Variants in SHISA9 observed in about 807,000 individuals in gnomAD.
SHISA9 encodes the protein protein shisa-9.
A neutral mutation model predicts 38.0 loss-of-function variants in SHISA9; 13 were observed. The observed-to-expected ratio is 0.34, with a 90% CI of 0.22 to 0.54. The LOEUF (loss-of-function observed/expected upper bound fraction) is 0.54. SHISA9 is among the 20% of genes least tolerant of loss of function. The pLI, the probability that SHISA9 is intolerant of heterozygous loss-of-function variation, is 0.91. For synonymous variants in SHISA9, 275 were observed against 242.0 expected, an observed-to-expected ratio of 1.14 and a Z score of -1.27; for missense variants, 538 against 575.8, an observed-to-expected ratio of 0.93 and a Z score of 0.67.
the SHISA9 span, among the ~76,000 whole-genome samples, chr16:13,562,324 T>C: frequency 6.6e-6 from 1 of 152,064 alleles, no homozygotes; most frequent in Non-Finnish European, 1.5e-5. Flanking sequence ...AGTGTAAGTA[T>C]GGACTAAAAA....
the SHISA9 span, among the ~76,000 whole-genome samples, chr16:13,533,386 C>G: frequency 2.0e-5 from 3 of 152,204 alleles, no homozygotes; most frequent in African/African-American, 7.2e-5. Context: ...TTACTGGCCT[C>G]TCCTTACCCT....
chr16:13,002,701 T>G (rs1478129249), intron 2 of SHISA9, among the ~76,000 whole-genome samples: 1 of 151,782 alleles, frequency 6.6e-6, no homozygotes, highest in Non-Finnish European at 1.5e-5. Context: ...CTGGGCTAAT[T>G]TTTGTATTTT....
intron 2 of SHISA9, among the ~76,000 whole-genome samples, chr16:13,009,761 G>T (rs76874059): frequency 0.012 from 1,761 of 152,306 alleles, 9 homozygotes; most frequent in Non-Finnish European, 0.019. Flanking sequence ...AGAGTGAAAG[G>T]CCCAGATGCG....
intron 2 of SHISA9, among the ~76,000 whole-genome samples, chr16:13,051,474 ACTT>A (rs2073250406): frequency 6.6e-6 from 1 of 152,146 alleles, no homozygotes; most frequent in East Asian, 1.9e-4. Context: ...AATATCGACT[ACTT>A]CTGGGTGGCC....
intron 2 of SHISA9, among the ~76,000 whole-genome samples, chr16:13,134,199 C>T (rs1293527803): frequency 1.3e-5 from 2 of 152,234 alleles, no homozygotes; most frequent in East Asian, 1.9e-4. Context: ...GCTACTTAAC[C>T]TGTCTGGGTC....
At chr16:13,113,816 G>GAT in intron 2 of SHISA9, among the ~76,000 whole-genome samples, 1 of 152,268 alleles carries the variant, frequency 6.6e-6, no homozygotes, top group Admixed American at 6.5e-5. Context: ...GTATCTCAGG[G>GAT]ACAAAAAGGG....
chr16:13,311,571 A>G, the SHISA9 span, among the ~76,000 whole-genome samples: 1 of 152,158 alleles, frequency 6.6e-6, no homozygotes, highest in Non-Finnish European at 1.5e-5. Flanking sequence ...TTGATTACAC[A>G]GTGCTACTAG....
chr16:12,946,878 CT>C (rs893928869), intron 2 of SHISA9, among the ~76,000 whole-genome samples: 1 of 152,232 alleles, frequency 6.6e-6, no homozygotes, highest in African/African-American at 2.4e-5. Context: ...TGCTTGCCCC[CT>C]GTTATTGTAA....
chr16:13,334,095 T>C, the SHISA9 span, among the ~76,000 whole-genome samples: 1 of 152,218 alleles, frequency 6.6e-6, no homozygotes, highest in African/African-American at 2.4e-5. Context: ...ATCTTTGGAC[T>C]TTGAGACCGA....
intron 2 of SHISA9, among the ~76,000 whole-genome samples, chr16:13,021,966 C>G (rs2072861021): frequency 1.3e-5 from 2 of 152,134 alleles, no homozygotes; most frequent in African/African-American, 4.8e-5. Context: ...GGCAGTAAGT[C>G]TGAAATCAAG....
intron 2 of SHISA9, among the ~76,000 whole-genome samples, chr16:13,109,902 T>C (rs2073961503): frequency 6.6e-6 from 1 of 152,238 alleles, no homozygotes. Flanking sequence ...CATTCACACA[T>C]TGGCGAACAT....
chr16:13,078,463 T>TG (rs2073609874), intron 2 of SHISA9, among the ~76,000 whole-genome samples: 1 of 151,800 alleles, frequency 6.6e-6, no homozygotes, highest in Non-Finnish European at 1.5e-5. Context: ...TGGAGTGCAG[T>TG]GGGGTGATCT....
the SHISA9 span, among the ~76,000 whole-genome samples, chr16:13,379,681 G>A: frequency 2.0e-5 from 3 of 152,136 alleles, no homozygotes; most frequent in East Asian, 3.8e-4. Flanking sequence ...ATGGTATTTC[G>A]AATTCCTCCG....
chr16:13,221,938 A>G (rs955984863), intron 4 of SHISA9, among the ~76,000 whole-genome samples: 3 of 152,200 alleles, frequency 2.0e-5, no homozygotes, highest in Non-Finnish European at 4.4e-5. Context: ...TGATAAAGAC[A>G]TACCCGAGAC....
chr16:12,954,368 C>T (rs2071801026), intron 2 of SHISA9, among the ~76,000 whole-genome samples: 2 of 152,072 alleles, frequency 1.3e-5, no homozygotes, highest in South Asian at 2.1e-4. Context: ...TCTTGAGGGC[C>T]ATGGGGAACC....
intron 2 of SHISA9, among the ~76,000 whole-genome samples, chr16:13,185,375 A>T (rs917833384): frequency 6.6e-6 from 1 of 151,960 alleles, no homozygotes; most frequent in South Asian, 2.1e-4. Context: ...CTACTTAAAA[A>T]TTTTTTTGGT....
intron 1 of SHISA9, chr16:12,910,760 C>T: frequency 3.1e-6 from 3 of 972,230 alleles, no homozygotes; most frequent in Non-Finnish European, 3.7e-6. Flanking sequence ...AGAAACAGAA[C>T]AAATATACAA....
At chr16:13,473,632 T>C in the SHISA9 span, among the ~76,000 whole-genome samples, 78 of 152,312 alleles carry the variant, frequency 5.1e-4, no homozygotes, top group African/African-American at 1.6e-3. Flanking sequence ...AACTGTCTAA[T>C]GCAGTCTTTC....
chr16:13,293,241 C>T, the SHISA9 span, among the ~76,000 whole-genome samples: 9 of 152,140 alleles, frequency 5.9e-5, no homozygotes, highest in Admixed American at 2.0e-4. Context: ...AACACACGCA[C>T]GCGCGCAAAC....
Sources: gnomAD v4.1 joint callset for allele counts (sites outside exome capture counted in the v4.1 genomes callset) on GRCh38, gnomAD v4.1.1 for gene constraint, MANE v1.5 for transcripts, NCBI Gene and HGNC (gene_info 2026-07-23, HGNC 2026-07-21) for gene names.